XKR6: variants seen among roughly 807,000 people sequenced by gnomAD.
The protein encoded by XKR6 is XK-related protein 6.
Under a neutral mutation model 56.7 loss-of-function variants are expected in XKR6, and 22 were observed. The ratio of observed to expected loss-of-function variants is 0.39; its 90% CI spans 0.28 to 0.55. XKR6 has a LOEUF of 0.55. XKR6 is among the 20% of genes least tolerant of loss of function. XKR6 has a pLI of 0.66. For synonymous variants in XKR6, 524 were observed against 387.8 expected (o/e 1.35, Z -4.13); for missense variants, 852 against 889.0 (o/e 0.96, Z 0.53).
intron 1 of XKR6, among the ~76,000 whole-genome samples, chr8:11,196,126 T>TG (rs1803874077): frequency 6.6e-6 from 1 of 152,160 alleles, no homozygotes; most frequent in African/African-American, 2.4e-5. Flanking sequence ...TCTCCTCATT[T>TG]GTAGGTATCT....
intron 1 of XKR6, among the ~76,000 whole-genome samples, chr8:10,973,420 A>C (rs1802464012): frequency 6.6e-6 from 1 of 152,148 alleles, no homozygotes. Context: ...ATATTATCTG[A>C]GAGCTCCGTG....
At chr8:11,014,572 C>A (rs1294603408) in intron 1 of XKR6, among the ~76,000 whole-genome samples, 1 of 152,164 alleles carries the variant, frequency 6.6e-6, no homozygotes, top group African/African-American at 2.4e-5. Context: ...TTCAGCAGCA[C>A]CTTCCCAGGT....
At position 10,898,252 on chromosome 8, in the gene XKR6, C is replaced by T. The variant is rs201850605; in HGVS notation, c.1626G>A (p.Thr542=). Residue 542 remains threonine, a synonymous_variant, in exon 3 of 3, where the codon ACG becomes ACA. Coordinates refer to ENST00000416569, the MANE Select transcript of XKR6 (RefSeq NM_173683.4). The surrounding 1 kb of genome is among the most constrained non-coding windows in gnomAD (Gnocchi z 6.6). Reference sequence around the variant, plus strand: ...GTTGTTCCGTTACGGCTCTGGTGGGCGTAACCTGGGTCCCCCGGTACCCAG... The same window carrying T: ...GTTGTTCCGTTACGGCTCTGGTGGGTGTAACCTGGGTCCCCCGGTACCCAG... ...EIPGYRGTQV[T]PTRAVTEQQE... is the part of the protein sequence containing the mutation. The T allele has an allele frequency of 3.7e-5, 60 of 1,613,956 alleles. No homozygotes were observed. Among genetic ancestry groups the T allele is most frequent in the Middle Eastern group, 1.6e-4 (1 of 6,084 alleles).
chr8:11,122,705 T>C (rs74711708), intron 1 of XKR6, among the ~76,000 whole-genome samples: 3,038 of 152,338 alleles, frequency 0.02, 51 homozygotes, highest in Non-Finnish European at 0.031. Context: ...CCTCTCCTCA[T>C]GGTCTGTTTA....
In XKR6 at chr8:11,047,399, T is replaced by A. The variant is rs184341703; in HGVS notation, c.765-122569A>T. Among the ~76,000 whole-genome samples the A allele has an allele frequency of 2.7e-3, 418 of 152,364 alleles. 2 individuals carry two copies. Among genetic ancestry groups the A allele is most frequent in the African/African-American group, 9.5e-3 (396 of 41,582 alleles). ...TTTTCATCAGGGATACCATGTGGCT[T>A]TCATGGGCTTCACGAGTAGGATGGT... is the stretch of plus-strand genomic sequence containing the variant. On this transcript the variant is annotated intron_variant, in intron 1 of 2. Transcript: ENST00000416569.
In XKR6 at chr8:11,068,821, GC is replaced by G. The variant is rs371791958; in HGVS notation, c.764+131754del. On this transcript the variant is annotated intron_variant, in intron 1 of 2. Coordinates refer to ENST00000416569, the MANE Select transcript of XKR6 (RefSeq NM_173683.4). ...CCCACCCCTGGCCAAGGTGGGCCCTGCCCCCTCGGTGCCTGCTAAACTGGTC... is the reference window on the plus strand; with the variant it reads ...CCCACCCCTGGCCAAGGTGGGCCCTGCCCCTCGGTGCCTGCTAAACTGGTC... 8.0e-3 allele frequency among the ~76,000 whole-genome samples: 1,220 copies of G among 152,250 alleles called. 20 individuals carry two copies. The highest frequency in any genetic ancestry group is 0.027 in the African/African-American group (1,142 of 41,550).
intron 1 of XKR6, among the ~76,000 whole-genome samples, chr8:11,118,243 TG>T (rs1799273405): frequency 2.3e-3 from 1 of 436 alleles, no homozygotes; most frequent in South Asian, 0.083. Flanking sequence ...AAGGGGAAGC[TG>T]GTTTAAAAAA....
At chr8:11,180,534 C>T (rs1000110844) in intron 1 of XKR6, among the ~76,000 whole-genome samples, 4 of 152,136 alleles carry the variant, frequency 2.6e-5, no homozygotes, top group Non-Finnish European at 4.4e-5. Context: ...TGGTGGAGAA[C>T]AAGTAAAGGA....
chr8:11,089,891 T>C (rs1378262366), intron 1 of XKR6, among the ~76,000 whole-genome samples: 1 of 152,192 alleles, frequency 6.6e-6, no homozygotes, highest in African/African-American at 2.4e-5. Flanking sequence ...TATATACTTA[T>C]TCATATGCAC....
intron 2 of XKR6, among the ~76,000 whole-genome samples, chr8:10,918,022 T>C (rs1328605464): frequency 6.6e-6 from 1 of 152,200 alleles, no homozygotes. Context: ...GGGGCCAAAA[T>C]GATAATAGTA....
At chr8:11,181,488 G>A (rs556324461) in intron 1 of XKR6, among the ~76,000 whole-genome samples, 1 of 152,282 alleles carries the variant, frequency 6.6e-6, no homozygotes, top group East Asian at 1.9e-4. Context: ...ACTCAACAAT[G>A]AGAACAATTA....
intron 1 of XKR6, among the ~76,000 whole-genome samples, chr8:11,185,870 C>G (rs1803247610): frequency 6.6e-6 from 1 of 152,166 alleles, no homozygotes; most frequent in Non-Finnish European, 1.5e-5. Context: ...TTTAGTATGA[C>G]TCACTCTTCA....
In XKR6 at chr8:11,058,593, A is replaced by C. The variant is rs552364732; in HGVS notation, c.765-133763T>G. Among the ~76,000 whole-genome samples the C allele has an allele frequency of 2.5e-3, 388 of 152,294 alleles. 1 individual carries two copies. The highest frequency in any genetic ancestry group is 9.1e-3 in the African/African-American group (378 of 41,564). On this transcript the variant is annotated intron_variant, in intron 1 of 2. Transcript: ENST00000416569. Reference sequence around the variant, plus strand: ...TCAGCAAACTAACACAGGAACAGAAAACCAAACACCACATGTTCTCACTCA... The same window carrying C: ...TCAGCAAACTAACACAGGAACAGAACACCAAACACCACATGTTCTCACTCA...
Position 11,201,104 on chromosome 8 carries a change from C to A in XKR6, c.236G>T (p.Gly79Val). Residue 79 changes from glycine to valine, a missense_variant, in exon 1 of 3, where the codon GGC becomes GTC. Gly to Val is a moderately radical substitution (Grantham distance 109). Around this residue, in one of 4 missense-constraint regions of XKR6, gnomAD observed 417 missense variants for 355.2 expected, o/e 1.17. Coordinates refer to ENST00000416569, the MANE Select transcript of XKR6 (RefSeq NM_173683.4). The stretch of plus-strand genomic sequence containing the variant: ...GGCGGCGCTGCGGCGCGGCTTCCTG[C>A]CCAGGAGGGAGCGCAGGCAGGCGGA... ...CRSACLRSLLGRKPRRSAAAD... is the reference protein window; with the variant it reads ...CRSACLRSLLVRKPRRSAAAD... 2 of 1,500,240 alleles carry A rather than the reference C, an allele frequency of 1.3e-6. No individual in the cohort carries two copies. Among genetic ancestry groups the A allele is most frequent in the Non-Finnish European group, 1.8e-6 (2 of 1,131,848 alleles). The allele number at this position is 1,500,240 out of a possible 1,614,324, so 92.9% of individuals were successfully genotyped here. A position where few individuals can be genotyped will look rare whatever the true frequency, so the allele number is the denominator to read the frequency against.
intron 1 of XKR6, among the ~76,000 whole-genome samples, chr8:11,076,995 G>A (rs1800291019): frequency 6.6e-6 from 1 of 152,104 alleles, no homozygotes; most frequent in African/African-American, 2.4e-5. Flanking sequence ...AGGAAGCACA[G>A]TGAGACCCCA....
chr8:10,946,548 C>T (rs1801546896), intron 1 of XKR6, among the ~76,000 whole-genome samples: 1 of 151,926 alleles, frequency 6.6e-6, no homozygotes, highest in Non-Finnish European at 1.5e-5. Flanking sequence ...GGTGGCGTGT[C>T]CTGCGGTTTT....
intron 1 of XKR6, among the ~76,000 whole-genome samples, chr8:10,986,930 C>T (rs565704972): frequency 1.4e-3 from 204 of 149,302 alleles, no homozygotes; most frequent in Non-Finnish European, 2.5e-3. Flanking sequence ...ACTACCATGC[C>T]TGGCCAATTT....
chr8:11,141,580 C>A (rs1800700493), intron 1 of XKR6, among the ~76,000 whole-genome samples: 1 of 152,144 alleles, frequency 6.6e-6, no homozygotes, highest in Non-Finnish European at 1.5e-5. Flanking sequence ...TGACGTGGAC[C>A]CCAGCTCTGA....
At chr8:10,959,373 G>A (rs191842804) in intron 1 of XKR6, among the ~76,000 whole-genome samples, 5 of 152,282 alleles carry the variant, frequency 3.3e-5, no homozygotes, top group Admixed American at 6.5e-5. Flanking sequence ...TAGGGAGACT[G>A]GTTTTGGCCA....
Sources: allele counts gnomAD v4.1 joint callset (sites outside exome capture counted in the v4.1 genomes callset), GRCh38; gene constraint gnomAD v4.1.1; regional missense constraint gnomAD v4.1.1; non-coding constraint Gnocchi (gnomAD v3.1); transcripts MANE v1.5; gene names NCBI Gene and HGNC (gene_info 2026-07-23, HGNC 2026-07-21).